The following TEK variants were observed in gnomAD, a reference collection of about 807,000 sequenced individuals.
The protein encoded by TEK is angiopoietin-1 receptor.
In TEK, 43 loss-of-function variants were observed where a neutral mutation model predicts 131.8. That is an observed-to-expected ratio of 0.33 (90% CI 0.26 to 0.42). The LOEUF (loss-of-function observed/expected upper bound fraction) is 0.42, where lower values mean the gene tolerates loss of function less well. Among genes scored for constraint, TEK ranks in the 10% least tolerant of loss-of-function variants. The pLI is 1.00. For synonymous variants in TEK, 580 were observed against 491.6 expected (o/e 1.18, Z -2.38); for missense variants, 1,162 against 1,384.4 (o/e 0.84, Z 2.55).
intron 11 of TEK, among the ~76,000 whole-genome samples, chr9:27,196,302 A>G (rs1564090559): frequency 6.6e-6 from 1 of 152,194 alleles, no homozygotes; most frequent in Non-Finnish European, 1.5e-5. Flanking sequence ...ATAATTTATT[A>G]AAGCAGTTTC....
chr9:27,169,574 C>T lies in TEK; in HGVS notation c.573C>T (p.Ala191=). The T allele has an allele frequency of 6.2e-7, 1 of 1,614,136 alleles. No individual in the cohort carries two copies. Among genetic ancestry groups the T allele is most frequent in the Non-Finnish European group, 8.5e-7 (1 of 1,180,000 alleles). ...CCCAGGATGCTGGAGTGTACTCGGC[C>T]AGGTATATAGGAGGAAACCTCTTCA... ...AQPQDAGVYS[A]RYIGGNLFTS... The change falls in exon 4 of 23, where the codon GCC becomes GCT. Residue 191 remains alanine, a synonymous_variant. Coordinates refer to ENST00000380036, the MANE Select transcript of TEK (RefSeq NM_000459.5).
intron 2 of TEK, among the ~76,000 whole-genome samples, chr9:27,158,678 G>GGT (rs1796409600): frequency 2.0e-5 from 3 of 148,666 alleles, no homozygotes; most frequent in Non-Finnish European, 4.5e-5. Flanking sequence ...TTTTTTTTGG[G>GGT]GGGGTGGAGT....
At chr9:27,197,121 G>A (rs75015038) in intron 11 of TEK, among the ~76,000 whole-genome samples, 194 bp from the exon 12 acceptor site, 1 of 149,798 alleles carries the variant, frequency 6.7e-6, no homozygotes, top group East Asian at 2.0e-4. Flanking sequence ...GAACTCACTC[G>A]GTATCAGGAG....
At chr9:27,220,011 GC>G in intron 20 of TEK, 37 bp from the exon 21 acceptor site, 1 of 1,602,100 alleles carries the variant, frequency 6.2e-7, no homozygotes, top group Non-Finnish European at 8.6e-7. Context: ...TGCTTTTCAT[GC>G]CAGAGAGGAC....
intron 1 of TEK, among the ~76,000 whole-genome samples, chr9:27,110,991 T>C (rs1821319468): frequency 6.6e-6 from 1 of 152,074 alleles, no homozygotes; most frequent in African/African-American, 2.4e-5. Flanking sequence ...GGGATTATAG[T>C]GATGTGAAGC....
intron 18 of TEK, among the ~76,000 whole-genome samples, chr9:27,214,916 A>AG: frequency 6.6e-6 from 1 of 152,238 alleles, no homozygotes; most frequent in East Asian, 1.9e-4. Flanking sequence ...TCTCTGGAGC[A>AG]GGGGTGGGCT....
chr9:27,217,610 G>C (rs931769428), intron 18 of TEK, 78 bp from the exon 19 acceptor site: 5 of 1,277,450 alleles, frequency 3.9e-6, no homozygotes, highest in Non-Finnish European at 5.7e-6. Flanking sequence ...ATCATTTGTG[G>C]AGCCACAGCT....
chr9:27,109,267 A>C lies in TEK; in HGVS notation c.-324A>C, dbSNP rs907466442. The C allele has an allele frequency of 9.5e-6, 5 of 526,074 alleles. No homozygotes were observed. Among genetic ancestry groups the C allele is most frequent in the African/African-American group, 5.8e-5 (3 of 51,724 alleles). The allele number at this position is 526,074 out of a possible 1,614,324, so 32.6% of individuals were successfully genotyped here. A position where few individuals can be genotyped will look rare whatever the true frequency, so the allele number is the denominator to read the frequency against. On this transcript the variant is annotated 5_prime_UTR_variant, in exon 1 of 23. Coordinates refer to ENST00000380036, the MANE Select transcript of TEK (RefSeq NM_000459.5). ...CAGCAAAAGCAGCAGCAGAAGCAAC[A>C]GCAACAGATAAGTGTTTTGATGAAT...
At chr9:27,118,223 G>A (rs929897420) in intron 1 of TEK, among the ~76,000 whole-genome samples, 3 of 152,168 alleles carry the variant, frequency 2.0e-5, no homozygotes, top group African/African-American at 2.4e-5. Flanking sequence ...GCCTTTATGT[G>A]CCAAGTGTTA....
Position 27,183,509 on chromosome 9 carries a change from G to A in TEK, c.1081G>A (p.Val361Ile). The A allele has an allele frequency of 6.2e-7, 1 of 1,613,916 alleles. No individual in the cohort carries two copies. Among genetic ancestry groups the A allele is most frequent in the South Asian group, 1.1e-5 (1 of 91,080 alleles). The change falls in exon 8 of 23, where the codon GTA becomes ATA. Residue 361 changes from valine to isoleucine, a missense_variant. By Grantham distance (29) the Val-to-Ile change is conservative. Transcript: ENST00000380036. ...AGTGGATTTGCCAGATCATATAGAA[G>A]TAAACAGTGGTAAATTTAATCCCAT... The part of the protein sequence containing the change: ...KIVDLPDHIE[V>I]NSGKFNPICK...
At chr9:27,198,190 T>G (rs973160997) in intron 12 of TEK, 12 of 163,528 alleles carry the variant, frequency 7.3e-5, no homozygotes, top group Non-Finnish European at 1.2e-4. Flanking sequence ...AGTTTTATTT[T>G]GATTCACTGA....
Position 27,158,136 on chromosome 9 carries a change from C to G in TEK, c.358C>G (p.Gln120Glu). The G allele has an allele frequency of 1.2e-6, 2 of 1,614,060 alleles. No individual in the cohort carries two copies. The highest frequency in any genetic ancestry group is 1.7e-6 in the Non-Finnish European group (2 of 1,180,018). ...CAGGATACGAACCATGAAGATGCGT[C>G]AACAAGGTAACATGCCCCTAAGTTT... ...AIRIRTMKMR[Q>E]QASFLPATLT... The change falls in exon 2 of 23, where the codon CAA (glutamine) becomes GAA (glutamate). Residue 120 changes from glutamine to glutamate, a missense_variant. Gln to Glu is a conservative substitution (Grantham distance 29). Transcript: ENST00000380036.
intron 4 of TEK, among the ~76,000 whole-genome samples, chr9:27,170,470 C>A (rs1004146685): frequency 2.0e-5 from 3 of 152,052 alleles, no homozygotes; most frequent in African/African-American, 7.2e-5. Context: ...ACAAAAAATA[C>A]AAAAATTAGC....
chr9:27,115,937 T>C (rs1821538799), intron 1 of TEK, among the ~76,000 whole-genome samples: 1 of 152,232 alleles, frequency 6.6e-6, no homozygotes, highest in South Asian at 2.1e-4. Context: ...TAGCAGAGTG[T>C]TTGTTCTATC....
At chr9:27,163,238 G>T (rs758510021) in intron 2 of TEK, among the ~76,000 whole-genome samples, 8 of 152,166 alleles carry the variant, frequency 5.3e-5, no homozygotes, top group Non-Finnish European at 1.2e-4. Flanking sequence ...GTGAAGTCAG[G>T]CCCGATTCTA....
intron 1 of TEK, among the ~76,000 whole-genome samples, chr9:27,132,840 C>T (rs779730254): frequency 1.3e-5 from 2 of 152,016 alleles, no homozygotes; most frequent in Non-Finnish European, 2.9e-5. Context: ...ATATCTATAG[C>T]AATCAAGAGG....
At chr9:27,191,345 G>T (rs553658459) in intron 10 of TEK, among the ~76,000 whole-genome samples, 3 of 152,152 alleles carry the variant, frequency 2.0e-5, no homozygotes, top group Non-Finnish European at 4.4e-5. Context: ...GAAAACAGTT[G>T]AATTTATTTT....
At chr9:27,136,493 G>GCT (rs1380348427) in intron 1 of TEK, among the ~76,000 whole-genome samples, 1 of 152,114 alleles carries the variant, frequency 6.6e-6, no homozygotes, top group East Asian at 1.9e-4. Flanking sequence ...CAGATGTGCA[G>GCT]CTCAGCCTTC....
chr9:27,212,565 T>TC, intron 16 of TEK, 142 bp from the exon 17 acceptor site: 1 of 850,910 alleles, frequency 1.2e-6, no homozygotes. Context: ...CTTCCTCCTG[T>TC]CCCCCAGTGC....
Sources: gnomAD v4.1 joint callset for allele counts (sites outside exome capture counted in the v4.1 genomes callset) on GRCh38, gnomAD v4.1.1 for gene constraint, MANE v1.5 for transcripts, NCBI Gene and HGNC (gene_info 2026-07-23, HGNC 2026-07-21) for gene names.